The following CNTNAP5 variants were observed in gnomAD, a reference collection of about 807,000 sequenced individuals.
CNTNAP5 encodes the protein contactin associated protein family member 5, also known as contactin-associated protein-like 5.
In CNTNAP5, 72 loss-of-function variants were observed where a neutral mutation model predicts 150.2. That is an observed-to-expected ratio of 0.48 (90% CI 0.40 to 0.58). The LOEUF is 0.58. CNTNAP5 is among the 20% of genes least tolerant of loss of function. The pLI is 0.00. For synonymous variants in CNTNAP5, 672 were observed against 619.8 expected, an observed-to-expected ratio of 1.08 and a Z score of -1.25; for missense variants, 1,636 against 1,626.2, an observed-to-expected ratio of 1.01 and a Z score of -0.10.
At chr2:124,340,038 T>C (rs1446657855) in intron 3 of CNTNAP5, among the ~76,000 whole-genome samples, 4 of 152,204 alleles carry the variant, frequency 2.6e-5, no homozygotes, top group African/African-American at 7.2e-5. Flanking sequence ...ACATTACTCC[T>C]GAGCAGTAAA....
chr2:124,242,195 T>C lies in CNTNAP5; in HGVS notation c.188-5T>C. Reference sequence around the variant, plus strand: ...TCTCTCTCACTCTCTCTGATCCTGTTCCAGGAACTGGCGGTTGGTCCCCAG... The same window carrying C: ...TCTCTCTCACTCTCTCTGATCCTGTCCCAGGAACTGGCGGTTGGTCCCCAG... On this transcript the variant is annotated splice_polypyrimidine_tract_variant and splice_region_variant and intron_variant, in intron 2 of 23. Transcript: ENST00000682447. 6.3e-7 allele frequency: 1 copy of C among 1,579,072 alleles called. No individual in the cohort carries two copies. The highest frequency in any genetic ancestry group is 8.6e-7 in the Non-Finnish European group (1 of 1,161,434).
intron 13 of CNTNAP5, 32 bp downstream of exon 13, chr2:124,647,990 A>G (rs1328754871): frequency 2.6e-6 from 4 of 1,555,758 alleles, no homozygotes; most frequent in Non-Finnish European, 3.5e-6. Context: ...CCACAGTGGG[A>G]TAGATGGGAC....
At chr2:124,847,768 C>A (rs576118647) in intron 19 of CNTNAP5, among the ~76,000 whole-genome samples, 1 of 152,204 alleles carries the variant, frequency 6.6e-6, no homozygotes, top group East Asian at 1.9e-4. Context: ...TCTTAATTCT[C>A]GAGAATATTC....
chr2:124,883,582 G>A (rs1450898975), intron 21 of CNTNAP5, among the ~76,000 whole-genome samples: 4 of 151,970 alleles, frequency 2.6e-5, no homozygotes, highest in Admixed American at 1.3e-4. Context: ...GTATAGCAAT[G>A]TTTTTTTGTG....
chr2:124,579,432 C>T (rs534651323), intron 11 of CNTNAP5, among the ~76,000 whole-genome samples: 107 of 152,320 alleles, frequency 7.0e-4, no homozygotes, highest in Middle Eastern at 3.4e-3. Flanking sequence ...TGGAGAAATA[C>T]ATCACATCAG....
chr2:124,657,531 C>T (rs570075457), intron 13 of CNTNAP5, among the ~76,000 whole-genome samples: 2 of 152,278 alleles, frequency 1.3e-5, no homozygotes, highest in South Asian at 4.1e-4. Context: ...TCCTGTCTTC[C>T]ACCATCCCAT....
At chr2:124,118,919 T>G (rs897855363) in intron 1 of CNTNAP5, among the ~76,000 whole-genome samples, 1 of 152,204 alleles carries the variant, frequency 6.6e-6, no homozygotes, top group Non-Finnish European at 1.5e-5. Context: ...CTCCAAATAC[T>G]CTTTCATGTA....
At chr2:124,707,155 A>G (rs200758491) in intron 13 of CNTNAP5, among the ~76,000 whole-genome samples, 1,076 of 91,564 alleles carry the variant, frequency 0.012, 24 homozygotes, top group Middle Eastern at 0.016. Flanking sequence ...AAGAAGAAGA[A>G]GAAGAAGAAG....
chr2:124,434,755 C>G (rs1396231641), intron 5 of CNTNAP5, 68 bp downstream of exon 5: 1 of 1,346,274 alleles, frequency 7.4e-7, no homozygotes, highest in East Asian at 2.5e-5. Flanking sequence ...CTCACAGTGT[C>G]TGACACTTGC....
intron 1 of CNTNAP5, among the ~76,000 whole-genome samples, chr2:124,063,707 C>T (rs1265995809): frequency 6.6e-6 from 1 of 152,074 alleles, no homozygotes; most frequent in African/African-American, 2.4e-5. Context: ...AGCCTCTGCC[C>T]AAATCCTGTA....
chr2:124,489,396 T>C lies in CNTNAP5; in HGVS notation c.1062+14514T>C, dbSNP rs566708528. 1.2e-3 allele frequency among the ~76,000 whole-genome samples: 181 copies of C among 152,288 alleles called. 1 individual carries two copies. The highest frequency in any genetic ancestry group is 1.4e-3 in the Non-Finnish European group (97 of 68,020). On this transcript the variant is annotated intron_variant, in intron 7 of 23. Coordinates refer to ENST00000682447, the MANE Select transcript of CNTNAP5 (RefSeq NM_001367498.1). ...CTCATTGGGCATGTCTGTGTCCTAA[T>C]ATCATTTTCTTATAAGGACACCAGT...
chr2:124,505,559 T>C (rs1335078719), intron 8 of CNTNAP5, among the ~76,000 whole-genome samples: 3 of 152,038 alleles, frequency 2.0e-5, no homozygotes, highest in African/African-American at 7.2e-5. Flanking sequence ...TGGCCAAAAT[T>C]TGGGAAACAC....
intron 19 of CNTNAP5, among the ~76,000 whole-genome samples, chr2:124,820,835 T>C (rs1001326130): frequency 3.9e-5 from 6 of 152,388 alleles, no homozygotes; most frequent in East Asian, 1.9e-4. Flanking sequence ...TCACATTATA[T>C]CTCACTGGCT....
At chr2:124,127,737 G>A (rs1683744789) in intron 1 of CNTNAP5, among the ~76,000 whole-genome samples, 1 of 152,084 alleles carries the variant, frequency 6.6e-6, no homozygotes, top group Non-Finnish European at 1.5e-5. Flanking sequence ...ACACAACAGA[G>A]CCCTCAGAAA....
At chr2:124,595,187 G>T (rs1265783576) in intron 11 of CNTNAP5, among the ~76,000 whole-genome samples, 1 of 143,118 alleles carries the variant, frequency 7.0e-6, no homozygotes, top group African/African-American at 2.5e-5. Context: ...GAATAGGAGC[G>T]GTGAGAGAGG....
chr2:124,502,221 G>A (rs1396918309), intron 7 of CNTNAP5, among the ~76,000 whole-genome samples: 1 of 152,142 alleles, frequency 6.6e-6, no homozygotes, highest in Non-Finnish European at 1.5e-5. Context: ...GAGCAACCCT[G>A]TATTGTGCTC....
intron 14 of CNTNAP5, among the ~76,000 whole-genome samples, chr2:124,757,013 T>C (rs1359540053): frequency 6.6e-6 from 1 of 152,146 alleles, no homozygotes; most frequent in Non-Finnish European, 1.5e-5. Context: ...AAAACAGAAG[T>C]AATAGCATGC....
chr2:124,197,047 A>G (rs1336306261), intron 1 of CNTNAP5, among the ~76,000 whole-genome samples: 1 of 152,160 alleles, frequency 6.6e-6, no homozygotes, highest in African/African-American at 2.4e-5. Context: ...ACTTTCCTTC[A>G]CATGTTACAT....
intron 14 of CNTNAP5, among the ~76,000 whole-genome samples, chr2:124,752,958 G>A (rs929894202): frequency 6.6e-6 from 1 of 152,140 alleles, no homozygotes; most frequent in Non-Finnish European, 1.5e-5. Context: ...ATGATGACCC[G>A]TGGCCCAAAT....
Sources: gnomAD v4.1 joint callset for allele counts (sites outside exome capture counted in the v4.1 genomes callset) on GRCh38, gnomAD v4.1.1 for gene constraint, MANE v1.5 for transcripts, NCBI Gene and HGNC (gene_info 2026-07-23, HGNC 2026-07-21) for gene names.